The following TMEM178B variants were observed in gnomAD, a reference collection of about 807,000 sequenced individuals.
TMEM178B encodes the protein transmembrane protein 178B.
TMEM178B carries 5 observed loss-of-function variants against 31.0 expected under a neutral mutation model. The ratio of observed to expected loss-of-function variants is 0.16; its 90% CI spans 0.08 to 0.34. The LOEUF (loss-of-function observed/expected upper bound fraction) is 0.34. Among genes scored for constraint, TMEM178B ranks in the 10% least tolerant of loss-of-function variants. The probability of loss-of-function intolerance (pLI) is 1.00; values close to 1 mark genes in which losing one functional copy is unlikely to be tolerated. For missense variants in TMEM178B, 275 were observed against 400.3 expected (o/e 0.69, Z 2.67); for synonymous variants, 164 against 164.0 (o/e 1.00, Z 0.00).
chr7:141,128,799 G>A (rs1034838993), intron 1 of TMEM178B, among the ~76,000 whole-genome samples: 2 of 151,930 alleles, frequency 1.3e-5, no homozygotes, highest in Admixed American at 1.3e-4. Context: ...TAGAAGCCAG[G>A]CCACATTCTC....
intron 2 of TMEM178B, among the ~76,000 whole-genome samples, chr7:141,230,030 C>A (rs1388767811): frequency 2.0e-5 from 3 of 152,172 alleles, no homozygotes; most frequent in African/African-American, 7.2e-5. Context: ...CCCTTGTCAT[C>A]AAACTCTTCA....
chr7:141,249,746 G>A (rs1797799617), intron 2 of TMEM178B, among the ~76,000 whole-genome samples: 1 of 152,168 alleles, frequency 6.6e-6, no homozygotes, highest in Admixed American at 6.5e-5. Context: ...TAAATGGGAA[G>A]CTTATCTTCT....
chr7:141,206,447 T>G (rs986294327), intron 1 of TMEM178B, among the ~76,000 whole-genome samples: 2 of 152,216 alleles, frequency 1.3e-5, no homozygotes, highest in African/African-American at 4.8e-5. Context: ...GCACCTGCTC[T>G]GAGCTCCTGG....
intron 1 of TMEM178B, among the ~76,000 whole-genome samples, chr7:141,143,963 T>A (rs1365907244): frequency 6.6e-6 from 1 of 152,198 alleles, no homozygotes; most frequent in Non-Finnish European, 1.5e-5. Context: ...TAGATTTTTT[T>A]AAATTTTATT....
At chr7:141,215,742 A>G (rs1797121843) in intron 2 of TMEM178B, among the ~76,000 whole-genome samples, 2 of 151,992 alleles carry the variant, frequency 1.3e-5, no homozygotes, top group African/African-American at 4.8e-5. Context: ...TCTGGCAAAT[A>G]TTTGGACTTT....
At chr7:141,404,750 A>G (rs1476824892) in intron 2 of TMEM178B, among the ~76,000 whole-genome samples, 1 of 152,200 alleles carries the variant, frequency 6.6e-6, no homozygotes, top group East Asian at 1.9e-4. Flanking sequence ...TTTGGTATAA[A>G]TTCAATCCAC....
chr7:141,216,625 C>A (rs887364974), intron 2 of TMEM178B, among the ~76,000 whole-genome samples: 4 of 151,900 alleles, frequency 2.6e-5, no homozygotes, highest in African/African-American at 9.7e-5. Context: ...GAACTGGTGA[C>A]CAGGTTCTCA....
chr7:141,106,085 CA>C (rs3032870), intron 1 of TMEM178B, among the ~76,000 whole-genome samples: 25 of 122,808 alleles, frequency 2.0e-4, no homozygotes, highest in African/African-American at 1.9e-4. Flanking sequence ...GACCCTGTCT[CA>C]AAAAAAAAAA....
At chr7:141,149,147 GA>G (rs1042781374) in intron 1 of TMEM178B, among the ~76,000 whole-genome samples, 1 of 152,208 alleles carries the variant, frequency 6.6e-6, no homozygotes, top group African/African-American at 2.4e-5. Flanking sequence ...TAGTAAAAGA[GA>G]AGACTGCAGT....
At position 141,222,841 on chromosome 7, in the gene TMEM178B, T is replaced by C. The variant is rs965223044; in HGVS notation, c.496+10137T>C. Among the ~76,000 whole-genome samples, 8 of 152,296 alleles carry C rather than the reference T, an allele frequency of 5.3e-5. No individual in the cohort carries two copies. In the East Asian group the frequency reaches 1.5e-3, roughly 29 times the overall value. ...ATTATTTACTGGCAAGTGTAGCATA[T>C]TGTGAAAGGAGTTTCAGGGCAGAGA... On this transcript the variant is annotated intron_variant, in intron 2 of 3. Transcript: ENST00000565468.
chr7:141,386,497 A>T (rs568405234), intron 2 of TMEM178B, among the ~76,000 whole-genome samples: 5 of 152,322 alleles, frequency 3.3e-5, no homozygotes, highest in African/African-American at 9.6e-5. Context: ...CACGCTGTGT[A>T]GTTACACATA....
Position 141,231,719 on chromosome 7 carries a change from C to T in TMEM178B, c.496+19015C>T, listed in dbSNP as rs188852396. On this transcript the variant is annotated intron_variant, in intron 2 of 3. Transcript: ENST00000565468. ...GCTCCCTCCACTGGCAGTTCTCCCACGGTCAACTAGCTGGGCTTCAGATAA... is the reference window on the plus strand; with the variant it reads ...GCTCCCTCCACTGGCAGTTCTCCCATGGTCAACTAGCTGGGCTTCAGATAA... Among the ~76,000 whole-genome samples the T allele has an allele frequency of 5.0e-3, 763 of 152,338 alleles. 13 individuals carry two copies. Among genetic ancestry groups the T allele is most frequent in the African/African-American group, 0.017 (712 of 41,572 alleles).
At chr7:141,414,000 G>A (rs547570431) in intron 2 of TMEM178B, among the ~76,000 whole-genome samples, 17 of 150,730 alleles carry the variant, frequency 1.1e-4, no homozygotes, top group South Asian at 2.1e-4. Flanking sequence ...TTATAATTAC[G>A]TATCCAGGAG....
chr7:141,208,050 G>A lies in TMEM178B; in HGVS notation c.383-4541G>A, dbSNP rs139334693. Among the ~76,000 whole-genome samples the A allele has an allele frequency of 2.0e-5, 3 of 152,182 alleles. No homozygotes were observed. The East Asian group carries it at 5.8e-4, about 29-fold the overall frequency. ...TACTAAAAATAAAAAAAAATTAACT[G>A]GACATGGTGGCATGTGCCTGTAGTC... On this transcript the variant is annotated intron_variant, in intron 1 of 3. Transcript: ENST00000565468.
At chr7:141,292,668 C>G (rs1008215654) in intron 2 of TMEM178B, among the ~76,000 whole-genome samples, 2 of 132,830 alleles carry the variant, frequency 1.5e-5, no homozygotes, top group Admixed American at 8.7e-5. Flanking sequence ...GATGGAGTCT[C>G]GCTCTGTCAC....
intron 1 of TMEM178B, among the ~76,000 whole-genome samples, chr7:141,169,717 G>T (rs763042414): frequency 6.6e-6 from 1 of 152,106 alleles, no homozygotes; most frequent in Non-Finnish European, 1.5e-5. Context: ...GCCTCAAAAG[G>T]CTCACAGAGA....
At chr7:141,085,907 T>C (rs1349426530) in intron 1 of TMEM178B, among the ~76,000 whole-genome samples, 1 of 152,070 alleles carries the variant, frequency 6.6e-6, no homozygotes, top group African/African-American at 2.4e-5. Flanking sequence ...AGAATGTCCA[T>C]GGCACCACTG....
intron 1 of TMEM178B, among the ~76,000 whole-genome samples, chr7:141,169,365 G>T (rs1305976522): frequency 6.6e-6 from 1 of 152,190 alleles, no homozygotes; most frequent in Non-Finnish European, 1.5e-5. Flanking sequence ...TTCCTGCAAA[G>T]GACATAATAT....
At chr7:141,268,882 C>T (rs1160449638) in intron 2 of TMEM178B, among the ~76,000 whole-genome samples, 1 of 152,144 alleles carries the variant, frequency 6.6e-6, no homozygotes, top group Non-Finnish European at 1.5e-5. Context: ...ATAACACCTG[C>T]CTATCATGAG....
Sources: gnomAD v4.1 joint callset for allele counts (sites outside exome capture counted in the v4.1 genomes callset) on GRCh38, gnomAD v4.1.1 for gene constraint, MANE v1.5 for transcripts, NCBI Gene and HGNC (gene_info 2026-07-23, HGNC 2026-07-21) for gene names.